The following MAGI2 variants were observed in gnomAD, a reference collection of about 807,000 sequenced individuals.
The protein encoded by MAGI2 is membrane associated guanylate kinase, WW and PDZ domain containing 2.
Under a neutral mutation model 133.3 loss-of-function variants are expected in MAGI2, and 35 were observed. That is an observed-to-expected ratio of 0.26 (90% CI 0.20 to 0.35). MAGI2 has a LOEUF of 0.35. Among genes scored for constraint, MAGI2 ranks in the 10% least tolerant of loss-of-function variants. MAGI2 has a pLI of 1.00. For synonymous variants in MAGI2, 729 were observed against 710.6 expected, an observed-to-expected ratio of 1.03 and a Z score of -0.41; for missense variants, 1,636 against 1,863.4, an observed-to-expected ratio of 0.88 and a Z score of 2.25.
intron 2 of MAGI2, among the ~76,000 whole-genome samples, chr7:78,761,435 C>T (rs1056565550): frequency 4.0e-5 from 6 of 151,194 alleles, no homozygotes; most frequent in Non-Finnish European, 8.8e-5. Flanking sequence ...ATTGAACCAT[C>T]TGGGGGTCTT....
At chr7:78,155,438 A>G (rs995154955) in intron 16 of MAGI2, among the ~76,000 whole-genome samples, 9 of 152,022 alleles carry the variant, frequency 5.9e-5, no homozygotes, top group Non-Finnish European at 1.3e-4. Context: ...ACATGGCAAA[A>G]CCTCGTCTCT....
chr7:79,170,323 C>T (rs990399402), intron 1 of MAGI2, among the ~76,000 whole-genome samples: 72 of 151,242 alleles, frequency 4.8e-4, no homozygotes, highest in African/African-American at 1.5e-3. Context: ...CAGGCATGTG[C>T]CACCATTCCT....
At chr7:79,031,804 A>G (rs1810602428) in intron 1 of MAGI2, among the ~76,000 whole-genome samples, 1 of 152,194 alleles carries the variant, frequency 6.6e-6, no homozygotes, top group South Asian at 2.1e-4. Context: ...ATGATGATTT[A>G]TGACTTTACT....
chr7:78,226,124 T>C (rs1416548774), intron 10 of MAGI2, among the ~76,000 whole-genome samples: 1 of 152,172 alleles, frequency 6.6e-6, no homozygotes, highest in Non-Finnish European at 1.5e-5. Flanking sequence ...CAATTTGCCA[T>C]ATGAGTTTTT....
chr7:78,538,752 T>C (rs190450020), intron 3 of MAGI2, among the ~76,000 whole-genome samples: 319 of 152,304 alleles, frequency 2.1e-3, no homozygotes, highest in African/African-American at 7.5e-3. Context: ...GATGAGTCTT[T>C]AGGGTTTTCT....
At chr7:78,480,650 T>C (rs1469121530) in intron 6 of MAGI2, among the ~76,000 whole-genome samples, 1 of 151,950 alleles carries the variant, frequency 6.6e-6, no homozygotes, top group Non-Finnish European at 1.5e-5. Context: ...ATTATATCAG[T>C]TGAAAATAGT....
chr7:79,343,905 C>T (rs1248764763), intron 1 of MAGI2, among the ~76,000 whole-genome samples: 1 of 152,152 alleles, frequency 6.6e-6, no homozygotes, highest in Non-Finnish European at 1.5e-5. Context: ...TATCTGTATA[C>T]AAGCTTGTCA....
At chr7:78,494,329 C>A (rs1584388686) in intron 5 of MAGI2, among the ~76,000 whole-genome samples, 1 of 152,028 alleles carries the variant, frequency 6.6e-6, no homozygotes, top group Non-Finnish European at 1.5e-5. Context: ...TTTTTAGAAA[C>A]CTGATTCATA....
intron 3 of MAGI2, among the ~76,000 whole-genome samples, chr7:78,571,174 CA>C (rs1158556365): frequency 6.6e-6 from 1 of 152,106 alleles, no homozygotes; most frequent in Non-Finnish European, 1.5e-5. Flanking sequence ...CTCCAACATG[CA>C]AATTATAAAG....
intron 3 of MAGI2, among the ~76,000 whole-genome samples, chr7:78,539,773 C>A (rs776980135): frequency 1.3e-5 from 2 of 152,176 alleles, no homozygotes; most frequent in Non-Finnish European, 2.9e-5. Context: ...CCATGGATAC[C>A]AACACCTGCT....
intron 2 of MAGI2, among the ~76,000 whole-genome samples, chr7:78,742,205 CCAGA>C (rs1822505314): frequency 1.3e-5 from 2 of 151,932 alleles, no homozygotes; most frequent in South Asian, 4.1e-4. Context: ...CCAAGGTTAC[CCAGA>C]CAATCTCTCT....
At chr7:79,349,541 T>C (rs1841554670) in intron 1 of MAGI2, among the ~76,000 whole-genome samples, 1 of 151,960 alleles carries the variant, frequency 6.6e-6, no homozygotes, top group Admixed American at 6.6e-5. Context: ...CTCTTTGTGG[T>C]GCTGTTATTA....
intron 2 of MAGI2, among the ~76,000 whole-genome samples, chr7:78,946,041 T>C (rs990357627): frequency 1.5e-4 from 23 of 152,166 alleles, no homozygotes; most frequent in African/African-American, 5.5e-4. Flanking sequence ...GTTAAAATAT[T>C]TGTAACTAGC....
chr7:78,619,781 C>T (rs935145591), intron 3 of MAGI2, among the ~76,000 whole-genome samples: 3 of 151,780 alleles, frequency 2.0e-5, no homozygotes, highest in Admixed American at 1.3e-4. Context: ...GAATCACTCA[C>T]CAAAAAATTC....
At chr7:79,232,637 A>T (rs200503694) in intron 1 of MAGI2, among the ~76,000 whole-genome samples, 1 of 83,400 alleles carries the variant, frequency 1.2e-5, no homozygotes, top group Non-Finnish European at 2.3e-5. Flanking sequence ...ATCGGTGGTG[A>T]TATCCCCTTT....
At chr7:79,236,366 A>G (rs1159777285) in intron 1 of MAGI2, among the ~76,000 whole-genome samples, 1 of 152,226 alleles carries the variant, frequency 6.6e-6, no homozygotes, top group African/African-American at 2.4e-5. Flanking sequence ...GTTGAAGTCT[A>G]AAGGGGAATC....
In MAGI2 at chr7:79,328,939, A is replaced by G. The variant is rs548152500; in HGVS notation, c.301+124081T>C. Reference sequence around the variant, plus strand: ...AAACTCATGATGGTTTAGCATCTTTAGCACCAATTAGGAATTTGCAGAAAT... The same window carrying G: ...AAACTCATGATGGTTTAGCATCTTTGGCACCAATTAGGAATTTGCAGAAAT... On this transcript the variant is annotated intron_variant, in intron 1 of 21. Transcript: ENST00000354212. 2.0e-5 allele frequency among the ~76,000 whole-genome samples: 3 copies of G among 152,330 alleles called. No homozygotes were observed. In the East Asian group the frequency reaches 5.8e-4, roughly 29 times the overall value.
At chr7:78,260,062 G>T (rs1186033789) in intron 9 of MAGI2, among the ~76,000 whole-genome samples, 1 of 152,306 alleles carries the variant, frequency 6.6e-6, no homozygotes, top group Admixed American at 6.5e-5. Flanking sequence ...TGTAAAAGAT[G>T]AGTGGTCAGT....
At chr7:78,490,806 G>C (rs17150901) in intron 5 of MAGI2, among the ~76,000 whole-genome samples, 2,921 of 152,104 alleles carry the variant, frequency 0.019, 54 homozygotes, top group African/African-American at 0.039. Flanking sequence ...TGTCTCAAGG[G>C]ATCTCATCTA....
Sources: allele counts gnomAD v4.1 joint callset (sites outside exome capture counted in the v4.1 genomes callset), GRCh38; gene constraint gnomAD v4.1.1; transcripts MANE v1.5; gene names NCBI Gene and HGNC (gene_info 2026-07-23, HGNC 2026-07-21).